Variants in UACA observed in about 807,000 individuals in gnomAD.
UACA encodes uveal autoantigen with coiled-coil domains and ankyrin repeats.
Under a neutral mutation model 160.5 loss-of-function variants are expected in UACA, and 112 were observed. The observed-to-expected ratio is 0.70, with a 90% CI of 0.60 to 0.82. UACA has a LOEUF of 0.82. Among genes scored for constraint, UACA ranks in the 40% least tolerant of loss-of-function variants. UACA has a pLI of 0.00. For missense variants in UACA, 1,574 were observed against 1,614.6 expected (o/e 0.97, Z 0.43); for synonymous variants, 557 against 568.4 (o/e 0.98, Z 0.29).
Position 70,668,757 on chromosome 15 carries a change from C to T in UACA, c.1927G>A (p.Val643Met). The T allele has an allele frequency of 6.2e-7, 1 of 1,613,898 alleles. No individual in the cohort carries two copies. Among genetic ancestry groups the T allele is most frequent in the Non-Finnish European group, 8.5e-7 (1 of 1,179,970 alleles). The part of the protein sequence containing the change: ...ENMKSSLSNE[V>M]NEKAKKLVEM... ...ACTAATTTTTTTGCTTTCTCATTCA[C>T]TTCATTTGATAATGAGCTCTTCATG... Residue 643 changes from valine to methionine, a missense_variant, in exon 16 of 19, where the codon GTG becomes ATG. Transcript: ENST00000322954.
At position 70,671,933 on chromosome 15, in the gene UACA, A is replaced by T. The variant is rs201632936; in HGVS notation, c.1168+32T>A. On this transcript the variant is annotated intron_variant, in intron 14 of 18. Transcript: ENST00000322954. ...ATTCTTCTTTACTTGAACTAGGTGA[A>T]CTGTAATGATAATCCATACTTTTAT... 1.6e-5 allele frequency: 25 copies of T among 1,558,638 alleles called. No individual in the cohort carries two copies. The East Asian group carries it at 5.7e-4, about 36-fold the overall frequency.
chr15:70,694,982 T>G lies in UACA; in HGVS notation c.301+35A>C, dbSNP rs373585705. The G allele has an allele frequency of 7.9e-6, 12 of 1,515,390 alleles. No homozygotes were observed. The African/African-American group carries it at 9.6e-5, about 12-fold the overall frequency. 93.9% of individuals were successfully genotyped at this position (1,515,390 alleles called of 1,614,324 possible). On this transcript the variant is annotated intron_variant, in intron 3 of 18. Transcript: ENST00000322954. The stretch of plus-strand genomic sequence containing the variant: ...GCAGTGGACAATGTTTGTTTTCACT[T>G]TATGTTTTATAATTAACTATGGAGG...
intron 18 of UACA, among the ~76,000 whole-genome samples, chr15:70,659,204 T>C (rs1896591066): frequency 6.6e-6 from 1 of 152,146 alleles, no homozygotes; most frequent in Non-Finnish European, 1.5e-5. Flanking sequence ...TCCCTTGTTC[T>C]ATCATATCAT....
chr15:70,718,324 ATGTGTGTGTGTGTGTGTGTGTGTGTG>A (rs59313425), intron 1 of UACA, among the ~76,000 whole-genome samples: 2 of 60,180 alleles, frequency 3.3e-5, no homozygotes, highest in Non-Finnish European at 6.0e-5. Context: ...GAGAGAGAGA[ATGTGTGTGTGTGTGTGTGTGTGTGTG>A]TGTGTGTGTG....
At chr15:70,772,995 A>AG in the UACA span, among the ~76,000 whole-genome samples, 1 of 151,678 alleles carries the variant, frequency 6.6e-6, no homozygotes, top group African/African-American at 2.4e-5. Flanking sequence ...ACGCTGAGGC[A>AG]GGATTGTGTC....
In UACA at chr15:70,669,433, C is replaced by T; in HGVS notation, c.1251G>A (p.Met417Ile). 6.2e-7 allele frequency: 1 copy of T among 1,600,964 alleles called. No individual in the cohort carries two copies. The change falls in exon 16 of 19, where the codon ATG becomes ATA. Residue 417 changes from methionine to isoleucine, a missense_variant. Physicochemically the swap from Met to Ile is conservative, Grantham distance 10. Coordinates refer to ENST00000322954, the MANE Select transcript of UACA (RefSeq NM_018003.4). ...QCTSPGIPAHMQSRSMLRPLE... is the reference protein window; with the variant it reads ...QCTSPGIPAHIQSRSMLRPLE... The stretch of plus-strand genomic sequence containing the variant: ...GAGGTCTTAACATAGATCTGCTTTG[C>T]ATATGGGCTGGTATACCTGGGGAAG...
At chr15:70,712,249 G>C (rs1025154039) in intron 1 of UACA, among the ~76,000 whole-genome samples, 31 of 151,844 alleles carry the variant, frequency 2.0e-4, no homozygotes, top group African/African-American at 7.5e-4. Context: ...TATTAATCTT[G>C]ACACCTTCCT....
chr15:70,763,521 T>C lies in UACA; in HGVS notation c.-114A>G. On this transcript the variant is annotated 5_prime_UTR_variant, in exon 1 of 19. Coordinates refer to ENST00000322954, the MANE Select transcript of UACA (RefSeq NM_018003.4). ...CGGCGCGGGCTGTACCAGCCCCACC[T>C]GCCTGCCACCTGCGGGCCCCGGGCA... is the stretch of plus-strand genomic sequence containing the variant. The C allele has an allele frequency of 1.6e-6, 2 of 1,245,276 alleles. No homozygotes were observed. Among genetic ancestry groups the C allele is most frequent in the Non-Finnish European group, 2.0e-6 (2 of 989,860 alleles). 77.1% of individuals were successfully genotyped at this position (1,245,276 alleles called of 1,614,324 possible).
Position 70,691,367 on chromosome 15 carries a change from T to A in UACA, c.302-4A>T. On this transcript the variant is annotated splice_polypyrimidine_tract_variant and splice_region_variant and intron_variant, in intron 3 of 18. Transcript: ENST00000322954. ...GCCAGGTGAAGAGCATTTCTCCCTATAAATAATTTAAGATACATGTGAAGG... is the reference window on the plus strand; with the variant it reads ...GCCAGGTGAAGAGCATTTCTCCCTAAAAATAATTTAAGATACATGTGAAGG... 6.2e-7 allele frequency: 1 copy of A among 1,600,046 alleles called. No homozygotes were observed. The highest frequency in any genetic ancestry group is 1.3e-5 in the African/African-American group (1 of 74,626).
chr15:70,713,812 AAT>A (rs1898752866), intron 1 of UACA, among the ~76,000 whole-genome samples: 1 of 152,048 alleles, frequency 6.6e-6, no homozygotes, highest in African/African-American at 2.4e-5. Context: ...CAATTACCTT[AAT>A]ATAATAGATA....
At chr15:70,691,436 G>T in intron 3 of UACA, 73 bp from the exon 4 acceptor site, 2 of 1,172,516 alleles carry the variant, frequency 1.7e-6, no homozygotes, top group South Asian at 1.5e-5. Context: ...ATAGAAATAT[G>T]ATTCTTTTTT....
intron 1 of UACA, among the ~76,000 whole-genome samples, chr15:70,737,914 C>T (rs1248906626): frequency 1.3e-5 from 2 of 152,186 alleles, no homozygotes; most frequent in African/African-American, 4.8e-5. Flanking sequence ...GCCCACTCTA[C>T]AATTCAATAA....
At chr15:70,664,840 T>C (rs756139091) in intron 16 of UACA, 26 bp from the exon 17 acceptor site, 1 of 1,592,712 alleles carries the variant, frequency 6.3e-7, no homozygotes, top group Non-Finnish European at 8.6e-7. Flanking sequence ...GTAGGAGAAA[T>C]ATATTATTCA....
chr15:70,687,814 G>T lies in UACA; in HGVS notation c.431C>A (p.Ala144Glu), dbSNP rs1013155635. The change falls in exon 6 of 19, where the codon GCA (alanine) becomes GAA (glutamate). Residue 144 changes from alanine (A) to glutamate (E), a missense_variant. Physicochemically the swap from Ala to Glu is moderately radical, Grantham distance 107. Transcript: ENST00000322954. ...CAGCTGTATGCTAGAAGGACAATCT[G>T]CCATTGCTTTAAGGAACAAAAGAAA... ...GRTALHDAAM[A>E]DCPSSIQLLC... 5.0e-6 allele frequency: 8 copies of T among 1,613,446 alleles called. 1 individual carries two copies. In the South Asian group the frequency reaches 8.8e-5, roughly 18 times the overall value.
At chr15:70,758,131 C>A (rs1289304939) in intron 1 of UACA, 1 of 152,144 alleles carries the variant, frequency 6.6e-6, no homozygotes, top group African/African-American at 2.4e-5. Flanking sequence ...TTACTCATCA[C>A]CTAAAGTTCC....
At chr15:70,709,629 C>T (rs2140977754) in intron 1 of UACA, among the ~76,000 whole-genome samples, 1 of 152,284 alleles carries the variant, frequency 6.6e-6, no homozygotes, top group African/African-American at 2.4e-5. Flanking sequence ...TACATCTAGA[C>T]TCTTTTCTGT....
chr15:70,710,766 C>A (rs963847676), intron 1 of UACA, among the ~76,000 whole-genome samples: 1 of 152,204 alleles, frequency 6.6e-6, no homozygotes, highest in African/African-American at 2.4e-5. Context: ...TGTGGGAAGG[C>A]GTGAAGGGCT....
In UACA at chr15:70,656,625, C is replaced by T. The variant is rs1896481325; in HGVS notation, c.*431G>A. On this transcript the variant is annotated 3_prime_UTR_variant, in exon 19 of 19. Coordinates refer to ENST00000322954, the MANE Select transcript of UACA (RefSeq NM_018003.4). Reference sequence around the variant, plus strand: ...CCAAGTTACAACACATTCCTCACAACTGTATTATGTCTCAAGGTTCTGAGG... The same window carrying T: ...CCAAGTTACAACACATTCCTCACAATTGTATTATGTCTCAAGGTTCTGAGG... 1.3e-5 allele frequency: 2 copies of T among 155,332 alleles called. No homozygotes were observed. Among genetic ancestry groups the T allele is most frequent in the South Asian group, 3.9e-4 (2 of 5,092 alleles). The allele number at this position is 155,332 out of a possible 1,614,324, so 9.6% of individuals were successfully genotyped here.
At position 70,708,545 on chromosome 15, in the gene UACA, G is replaced by A. The variant is rs150122040; in HGVS notation, c.79-8885C>T. ...GCACAATATCAGCTCACTGCAGCCT[G>A]CAACCTCCACCACCCAGGTTCAAGC... On this transcript the variant is annotated intron_variant, in intron 1 of 18. Coordinates refer to ENST00000322954, the MANE Select transcript of UACA (RefSeq NM_018003.4). 4.0e-3 allele frequency among the ~76,000 whole-genome samples: 609 copies of A among 150,818 alleles called. 5 individuals are homozygous for A. Among genetic ancestry groups the A allele is most frequent in the South Asian group, 5.0e-3 (24 of 4,780 alleles).
Sources: allele counts gnomAD v4.1 joint callset (sites outside exome capture counted in the v4.1 genomes callset), GRCh38; gene constraint gnomAD v4.1.1; transcripts MANE v1.5; gene names NCBI Gene and HGNC (gene_info 2026-07-23, HGNC 2026-07-21).